Variants in RASEF observed in about 807,000 individuals in gnomAD.
The protein encoded by RASEF is RAS and EF-hand domain containing, also known as ras and EF-hand domain-containing protein.
In RASEF, 68 loss-of-function variants were observed where a neutral mutation model predicts 90.1. The observed-to-expected ratio is 0.75, with a 90% CI of 0.62 to 0.92. The LOEUF (loss-of-function observed/expected upper bound fraction) is 0.92. Among genes scored for constraint, RASEF ranks in the 40% least tolerant of loss-of-function variants. The probability of loss-of-function intolerance (pLI) is 0.00; values close to 1 mark genes in which losing one functional copy is unlikely to be tolerated. For synonymous variants in RASEF, 331 were observed against 345.2 expected (o/e 0.96, Z 0.46); for missense variants, 949 against 937.2 (o/e 1.01, Z -0.16).
chr9:83,088,445 GTGTTGTTCAAATCTTC>G, the RASEF span, among the ~76,000 whole-genome samples: 28 of 151,930 alleles, frequency 1.8e-4, no homozygotes, highest in East Asian at 4.6e-3. Context: ...TTGGCTAATA[GTGTTGTTCAAATCTTC>G]TGTTACCTTG....
the RASEF span, among the ~76,000 whole-genome samples, chr9:83,136,832 A>T: frequency 1.3e-5 from 2 of 151,958 alleles, no homozygotes; most frequent in Non-Finnish European, 1.5e-5. Context: ...TGTCCTCTTT[A>T]TGGGTATAAC....
the RASEF span, among the ~76,000 whole-genome samples, chr9:83,167,379 CAACTTGATCT>C: frequency 8.6e-6 from 1 of 116,592 alleles, no homozygotes; most frequent in Non-Finnish European, 1.8e-5. Context: ...TTTTTTTTTT[CAACTTGATCT>C]AGCAATAGCA....
At chr9:83,207,252 T>C in the RASEF span, among the ~76,000 whole-genome samples, 1 of 152,074 alleles carries the variant, frequency 6.6e-6, no homozygotes, top group Non-Finnish European at 1.5e-5. Context: ...ATGGGAAGGA[T>C]GCCTTCACAC....
At chr9:83,169,833 T>C in the RASEF span, among the ~76,000 whole-genome samples, 1 of 152,138 alleles carries the variant, frequency 6.6e-6, no homozygotes, top group Non-Finnish European at 1.5e-5. Context: ...TTCTTATATA[T>C]TCTGGTTACT....
intron 16 of RASEF, among the ~76,000 whole-genome samples, chr9:82,985,897 G>T (rs921280259): frequency 6.6e-6 from 1 of 152,120 alleles, no homozygotes; most frequent in African/African-American, 2.4e-5. Flanking sequence ...ACAGACTGAG[G>T]AACAAGCTTA....
chr9:83,141,810 A>G, the RASEF span, among the ~76,000 whole-genome samples: 1 of 152,218 alleles, frequency 6.6e-6, no homozygotes, highest in African/African-American at 2.4e-5. Context: ...CACGACTGGA[A>G]AAAGTACATT....
the RASEF span, among the ~76,000 whole-genome samples, chr9:83,163,984 C>G: frequency 7.2e-6 from 1 of 139,408 alleles, no homozygotes; most frequent in Non-Finnish European, 1.6e-5. Context: ...GAAAACAAAT[C>G]TTACTTGAGA....
intron 1 of RASEF, 120 bp from the exon 2 acceptor site, chr9:83,026,041 A>G: frequency 1.3e-6 from 1 of 741,242 alleles, no homozygotes; most frequent in African/African-American, 1.8e-5. Context: ...CAGCAATCAC[A>G]GAATGAACGG....
chr9:82,999,698 G>A (rs978792092), intron 12 of RASEF, among the ~76,000 whole-genome samples: 2 of 151,402 alleles, frequency 1.3e-5, no homozygotes, highest in African/African-American at 4.9e-5. Flanking sequence ...CCGCCTCCCA[G>A]GTTCAAGCGA....
rs373585994 is a variant in RASEF, at chr9:83,000,908, A to G, written c.1425T>C (p.Ala475=). The G allele has an allele frequency of 2.0e-5, 32 of 1,613,614 alleles. No individual in the cohort carries two copies. The highest frequency in any genetic ancestry group is 2.7e-5 in the Non-Finnish European group (32 of 1,179,650). The change falls in exon 10 of 17, where the codon GCT becomes GCC. Residue 475 remains alanine, a synonymous_variant. Transcript: ENST00000376447. ...HGVQESFGGD[A]SDTDVPDIRD... ...TTCTGGGGCTTACATCTGTGTCTGA[A>G]GCATCACCTCCAAAGCTCTCCTGCA...
At chr9:83,165,025 A>T in the RASEF span, among the ~76,000 whole-genome samples, 1 of 152,056 alleles carries the variant, frequency 6.6e-6, no homozygotes, top group South Asian at 2.1e-4. Context: ...CAGAACTACG[A>T]GGAAAAAAAA....
chr9:83,158,266 G>T, the RASEF span, among the ~76,000 whole-genome samples: 1 of 151,994 alleles, frequency 6.6e-6, no homozygotes, highest in Non-Finnish European at 1.5e-5. Flanking sequence ...TCCTAAAATT[G>T]AAACATCTGG....
At chr9:83,096,103 G>C in the RASEF span, among the ~76,000 whole-genome samples, 1 of 152,092 alleles carries the variant, frequency 6.6e-6, no homozygotes, top group Non-Finnish European at 1.5e-5. Context: ...AACAAGAATT[G>C]GACAACTAGC....
chr9:83,028,249 GT>G (rs1829582474), intron 1 of RASEF, among the ~76,000 whole-genome samples: 1 of 152,196 alleles, frequency 6.6e-6, no homozygotes, highest in South Asian at 2.1e-4. Context: ...TAATTCTTAT[GT>G]TTGGTGATCT....
At chr9:83,145,478 C>T in the RASEF span, among the ~76,000 whole-genome samples, 2 of 151,944 alleles carry the variant, frequency 1.3e-5, no homozygotes, top group Non-Finnish European at 2.9e-5. Context: ...GTTTAGGGCC[C>T]AGTAGGGCCC....
chr9:83,179,807 T>TACAC, the RASEF span, among the ~76,000 whole-genome samples: 1 of 151,770 alleles, frequency 6.6e-6, no homozygotes, highest in Admixed American at 6.6e-5. Flanking sequence ...CACACACACA[T>TACAC]ACACACACAC....
At chr9:82,982,866 G>A in intron 16 of RASEF, 84 bp from the exon 17 acceptor site, 1 of 801,520 alleles carries the variant, frequency 1.2e-6, no homozygotes, top group Non-Finnish European at 2.2e-6. Context: ...AGCCACAGAT[G>A]GTTCTGTAGA....
the RASEF span, among the ~76,000 whole-genome samples, chr9:83,214,274 C>T: frequency 2.7e-3 from 409 of 152,220 alleles, 1 homozygote; most frequent in African/African-American, 9.5e-3. Context: ...ATCTCAGCTA[C>T]TCAAGAGACT....
chr9:83,096,879 A>G, the RASEF span, among the ~76,000 whole-genome samples: 49 of 150,404 alleles, frequency 3.3e-4, no homozygotes, highest in African/African-American at 1.2e-3. Flanking sequence ...GAGAACATGC[A>G]GTGTTTGGTT....
Sources: gnomAD v4.1 joint callset for allele counts (sites outside exome capture counted in the v4.1 genomes callset) on GRCh38, gnomAD v4.1.1 for gene constraint, MANE v1.5 for transcripts, NCBI Gene and HGNC (gene_info 2026-07-23, HGNC 2026-07-21) for gene names.